Variants in FOXO1 observed in about 807,000 individuals in gnomAD.
FOXO1 encodes the protein forkhead box protein O1.
A neutral mutation model predicts 44.1 loss-of-function variants in FOXO1; 6 were observed. That is an observed-to-expected ratio of 0.14 (90% CI 0.07 to 0.27). The LOEUF (loss-of-function observed/expected upper bound fraction) is 0.27. FOXO1 is among the 10% of genes least tolerant of loss of function. The probability of loss-of-function intolerance (pLI) is 1.00; values close to 1 mark genes in which losing one functional copy is unlikely to be tolerated. For missense variants in FOXO1, 737 were observed against 888.8 expected (o/e 0.83, Z 2.17); for synonymous variants, 380 against 362.7 (o/e 1.05, Z -0.54).
At chr13:40,656,694 T>C (rs1197259882) in intron 1 of FOXO1, among the ~76,000 whole-genome samples, 1 of 152,246 alleles carries the variant, frequency 6.6e-6, no homozygotes, top group Non-Finnish European at 1.5e-5. Context: ...AATCATATTT[T>C]CATAATTTCT....
In FOXO1 at chr13:40,559,997, C is replaced by T. The variant is rs1196772502; in HGVS notation, c.1494G>A (p.Met498Ile). The T allele has an allele frequency of 6.2e-7, 1 of 1,614,126 alleles. No homozygotes were observed. The highest frequency in any genetic ancestry group is 1.1e-5 in the South Asian group (1 of 91,078). The part of the protein sequence containing the change: ...NSRVLGQNVM[M>I]GPNSVMSTYG... ...AGGTTGACATGACCGAATTAGGGCC[C>T]ATCATGACGTTCTGGCCCAGAACCC... The change falls in exon 2 of 3, where the codon ATG (methionine) becomes ATA (isoleucine). Residue 498 changes from methionine to isoleucine, a missense_variant. Physicochemically the swap from Met to Ile is conservative, Grantham distance 10. Coordinates refer to ENST00000379561, the MANE Select transcript of FOXO1 (RefSeq NM_002015.4).
chr13:40,562,081 C>A (rs1381731891), intron 1 of FOXO1, among the ~76,000 whole-genome samples: 5 of 152,068 alleles, frequency 3.3e-5, no homozygotes, highest in Non-Finnish European at 7.4e-5. Context: ...AAAACAGAGT[C>A]ATTGCTTTTG....
intron 1 of FOXO1, among the ~76,000 whole-genome samples, chr13:40,604,459 T>C (rs562070622): frequency 7.2e-5 from 11 of 152,284 alleles, no homozygotes; most frequent in African/African-American, 2.4e-4. Context: ...TAGGTTTATC[T>C]TCCCATGTGC....
rs556626193 is a variant in FOXO1 at position 40,573,395 on chromosome 13, A to G, written c.631-12535T>C. Among the ~76,000 whole-genome samples, 170 of 152,298 alleles carry G rather than the reference A, an allele frequency of 1.1e-3. 1 individual carries two copies. Among genetic ancestry groups the G allele is most frequent in the African/African-American group, 3.9e-3 (164 of 41,556 alleles). On this transcript the variant is annotated intron_variant, in intron 1 of 2. Transcript: ENST00000379561. Reference sequence around the variant, plus strand: ...GGCTAAAGGAATTCTGGAAGGCTCCAAGTTGAGTCTGCCCTGGAACCACAT... The same window carrying G: ...GGCTAAAGGAATTCTGGAAGGCTCCGAGTTGAGTCTGCCCTGGAACCACAT...
At chr13:40,662,002 C>T (rs1593420075) in intron 1 of FOXO1, among the ~76,000 whole-genome samples, 1 of 151,682 alleles carries the variant, frequency 6.6e-6, no homozygotes, top group East Asian at 1.9e-4. Context: ...GAAACCCCCT[C>T]TCTACTAAAA....
At position 40,556,926 on chromosome 13, in the gene FOXO1, A is replaced by G. The variant is rs1873775470; in HGVS notation, c.*2123T>C. 6.6e-6 allele frequency: 1 copy of G among 152,146 alleles called. No individual in the cohort carries two copies. The highest frequency in any genetic ancestry group is 1.5e-5 in the Non-Finnish European group (1 of 68,034). 9.4% of individuals were successfully genotyped at this position (152,146 alleles called of 1,614,324 possible). A position where few individuals can be genotyped will look rare whatever the true frequency, so the allele number is the denominator to read the frequency against. ...ACTTTGGCACCAAGTTCAGTTACAT[A>G]CCCGGGAGGCTGTGCTTAGAGGAAC... is the stretch of plus-strand genomic sequence containing the variant. On this transcript the variant is annotated 3_prime_UTR_variant, in exon 3 of 3. Coordinates refer to ENST00000379561, the MANE Select transcript of FOXO1 (RefSeq NM_002015.4).
intron 1 of FOXO1, among the ~76,000 whole-genome samples, chr13:40,586,925 A>G (rs1420085969): frequency 6.6e-6 from 1 of 152,212 alleles, no homozygotes; most frequent in Non-Finnish European, 1.5e-5. Context: ...ACATTGCTAA[A>G]GTGTTTTTAA....
intron 1 of FOXO1, among the ~76,000 whole-genome samples, chr13:40,633,859 A>T (rs369238045): frequency 2.0e-5 from 3 of 152,356 alleles, no homozygotes; most frequent in African/African-American, 7.2e-5. Flanking sequence ...CCAAGGAAAG[A>T]ATTCCCAAGA....
intron 1 of FOXO1, among the ~76,000 whole-genome samples, chr13:40,631,339 T>C (rs1876955373): frequency 6.6e-6 from 1 of 152,142 alleles, no homozygotes; most frequent in Non-Finnish European, 1.5e-5. Context: ...ATGTAAGAAC[T>C]AATACATTAA....
intron 1 of FOXO1, among the ~76,000 whole-genome samples, chr13:40,584,180 GCTC>G (rs1341729549): frequency 1.3e-5 from 2 of 152,012 alleles, no homozygotes; most frequent in African/African-American, 2.4e-5. Flanking sequence ...TTAATAAAAA[GCTC>G]CTCAAGTGAG....
intron 1 of FOXO1, among the ~76,000 whole-genome samples, chr13:40,577,161 C>CCA (rs1200653001): frequency 2.2e-5 from 3 of 135,316 alleles, no homozygotes; most frequent in Non-Finnish European, 4.8e-5. Flanking sequence ...CCCCACCCAC[C>CCA]CACCCCTCCT....
intron 1 of FOXO1, among the ~76,000 whole-genome samples, chr13:40,591,367 G>T (rs1237458926): frequency 6.6e-6 from 1 of 152,140 alleles, no homozygotes; most frequent in Non-Finnish European, 1.5e-5. Context: ...TAGGGAAGAG[G>T]CAAGGCTCAC....
intron 1 of FOXO1, among the ~76,000 whole-genome samples, chr13:40,637,443 CAAAAAAAAA>C (rs894457880): frequency 1.9e-5 from 1 of 52,578 alleles, no homozygotes; most frequent in Admixed American, 2.5e-4. Flanking sequence ...GACTCCATCA[CAAAAAAAAA>C]AAAAAAAAAA....
intron 1 of FOXO1, among the ~76,000 whole-genome samples, chr13:40,610,261 G>A (rs1306071364): frequency 6.6e-6 from 1 of 152,106 alleles, no homozygotes; most frequent in African/African-American, 2.4e-5. Flanking sequence ...ATTTATATAT[G>A]TCTATAACAG....
chr13:40,581,417 C>A (rs1874951934), intron 1 of FOXO1, among the ~76,000 whole-genome samples: 1 of 152,216 alleles, frequency 6.6e-6, no homozygotes, highest in African/African-American at 2.4e-5. Flanking sequence ...ATCAACAGAA[C>A]TTTAATTAGC....
At chr13:40,593,619 T>C (rs1875470669) in intron 1 of FOXO1, among the ~76,000 whole-genome samples, 1 of 152,146 alleles carries the variant, frequency 6.6e-6, no homozygotes, top group Non-Finnish European at 1.5e-5. Flanking sequence ...TTACTAAACA[T>C]ACCAACCTAT....
chr13:40,665,227 G>A (rs541307468), intron 1 of FOXO1, among the ~76,000 whole-genome samples: 2 of 152,144 alleles, frequency 1.3e-5, no homozygotes, highest in African/African-American at 4.8e-5. Context: ...GGAAGGGGCA[G>A]CCGAAGCAGT....
intron 1 of FOXO1, among the ~76,000 whole-genome samples, chr13:40,636,511 C>CA (rs1352176106): frequency 4.4e-5 from 6 of 136,964 alleles, no homozygotes; most frequent in African/African-American, 1.4e-4. Context: ...TTCTATTTTT[C>CA]AAAAACTTTT....
chr13:40,591,592 A>G (rs1875372668), intron 1 of FOXO1, among the ~76,000 whole-genome samples: 1 of 152,226 alleles, frequency 6.6e-6, no homozygotes, highest in African/African-American at 2.4e-5. Flanking sequence ...AGACTAGCAG[A>G]TGATACATTC....
Sources: gnomAD v4.1 joint callset for allele counts (sites outside exome capture counted in the v4.1 genomes callset) on GRCh38, gnomAD v4.1.1 for gene constraint, MANE v1.5 for transcripts, NCBI Gene and HGNC (gene_info 2026-07-23, HGNC 2026-07-21) for gene names.